The following CYTIP variants were observed in gnomAD, a reference collection of about 807,000 sequenced individuals.
CYTIP encodes cytohesin-interacting protein.
CYTIP carries 26 observed loss-of-function variants against 43.8 expected under a neutral mutation model. The ratio of observed to expected loss-of-function variants is 0.59; its 90% CI spans 0.44 to 0.82. The LOEUF (loss-of-function observed/expected upper bound fraction) is 0.82. Among genes scored for constraint, CYTIP ranks in the 40% least tolerant of loss-of-function variants. The pLI is 0.00. For missense variants in CYTIP, 426 were observed against 443.1 expected (o/e 0.96, Z 0.35); for synonymous variants, 162 against 162.9 (o/e 0.99, Z 0.04).
intron 6 of CYTIP, among the ~76,000 whole-genome samples, chr2:157,424,161 C>G (rs558491313): frequency 9.5e-4 from 145 of 152,252 alleles, no homozygotes; most frequent in African/African-American, 3.3e-3. Flanking sequence ...TCATTCATAA[C>G]AGATAGTTAT....
At chr2:157,427,233 T>C in intron 6 of CYTIP, 118 bp downstream of exon 6, 1 of 794,032 alleles carries the variant, frequency 1.3e-6, no homozygotes, top group Non-Finnish European at 2.0e-6. Context: ...TTCAGCAGTT[T>C]AGATTCACCA....
chr2:157,419,144 A>C (rs937653264), intron 6 of CYTIP, among the ~76,000 whole-genome samples: 12 of 152,138 alleles, frequency 7.9e-5, no homozygotes, highest in Non-Finnish European at 1.6e-4. Flanking sequence ...GATTACAGGC[A>C]CGCCCCACCA....
intron 3 of CYTIP, among the ~76,000 whole-genome samples, chr2:157,432,735 C>T (rs114856268): frequency 0.013 from 1,987 of 152,268 alleles, 20 homozygotes; most frequent in Non-Finnish European, 0.02. Flanking sequence ...TGTACTCACA[C>T]TGCATGCACA....
At chr2:157,436,890 T>A (rs978444032) in intron 1 of CYTIP, among the ~76,000 whole-genome samples, 1 of 152,048 alleles carries the variant, frequency 6.6e-6, no homozygotes, top group African/African-American at 2.4e-5. Flanking sequence ...CTTTATTAAA[T>A]TCAATATCAT....
At chr2:157,418,417 C>A (rs1471547488) in intron 7 of CYTIP, 106 bp downstream of exon 7, 12 of 1,149,184 alleles carry the variant, frequency 1.0e-5, no homozygotes, top group Non-Finnish European at 1.4e-5. Flanking sequence ...TTGACCAGCA[C>A]TAGACAAATT....
chr2:157,418,838 T>G (rs1274919736), intron 6 of CYTIP, among the ~76,000 whole-genome samples: 1 of 152,090 alleles, frequency 6.6e-6, no homozygotes, highest in Non-Finnish European at 1.5e-5. Context: ...AACAATAAAA[T>G]ATACTTTTAT....
intron 1 of CYTIP, among the ~76,000 whole-genome samples, chr2:157,438,002 A>G (rs1685840197): frequency 6.6e-6 from 1 of 152,186 alleles, no homozygotes; most frequent in Admixed American, 6.5e-5. Context: ...CTACCATATG[A>G]TCCCGCAATC....
chr2:157,415,272 A>G lies in CYTIP; in HGVS notation c.*405T>C, dbSNP rs2105129233. On this transcript the variant is annotated 3_prime_UTR_variant, in exon 8 of 8. Coordinates refer to ENST00000264192, the MANE Select transcript of CYTIP (RefSeq NM_004288.5). ...TGGGCATAAGCAAACCTAAGATTTT[A>G]TAACCCAGCAATTATCCTATAGAAA... 1 of 163,578 alleles carries G rather than the reference A, an allele frequency of 6.1e-6. No individual in the cohort carries two copies. Among genetic ancestry groups the G allele is most frequent in the African/African-American group, 2.4e-5 (1 of 41,650 alleles). The allele number at this position is 163,578 out of a possible 1,614,324, so 10.1% of individuals were successfully genotyped here. A position where few individuals can be genotyped will look rare whatever the true frequency, so the allele number is the denominator to read the frequency against.
chr2:157,441,208 G>A (rs918921671), intron 1 of CYTIP, among the ~76,000 whole-genome samples: 2 of 152,208 alleles, frequency 1.3e-5, no homozygotes, highest in Non-Finnish European at 2.9e-5. Context: ...ACAGTAGGCA[G>A]AGAAACACCT....
In CYTIP at chr2:157,415,990, TC is replaced by T; in HGVS notation, c.766del (p.Asp256ThrfsTer39). The T allele has an allele frequency of 1.2e-6, 2 of 1,614,238 alleles. No homozygotes were observed. The highest frequency in any genetic ancestry group is 4.5e-5 in the East Asian group (2 of 44,874). On this transcript the variant is annotated frameshift_variant, in exon 8 of 8. Transcript: ENST00000264192. LOFTEE classifies it high-confidence loss of function. Reference sequence around the variant, plus strand: ...ACACGTCTGGTAGCCATCTTCACTGTCCATCGTCATGGAGCTCAGCCAGCTC... The same window carrying T: ...ACACGTCTGGTAGCCATCTTCACTGTCATCGTCATGGAGCTCAGCCAGCTC... ...CKSWLSSMTM[D>X]SEDGYQTCVS... is the part of the protein sequence containing the mutation.
chr2:157,418,661 T>G, intron 6 of CYTIP, 72 bp from the exon 7 acceptor site: 10 of 1,376,232 alleles, frequency 7.3e-6, no homozygotes, highest in Non-Finnish European at 9.9e-6. Context: ...AATTTAATTC[T>G]AGGTGTTGAG....
chr2:157,425,164 A>G (rs1293269040), intron 6 of CYTIP, among the ~76,000 whole-genome samples: 2 of 152,212 alleles, frequency 1.3e-5, no homozygotes, highest in African/African-American at 4.8e-5. Flanking sequence ...ATATTAAAGG[A>G]GTAATATATT....
chr2:157,415,995 C>T lies in CYTIP; in HGVS notation c.762G>A (p.Thr254=), dbSNP rs34955674. Residue 254 remains threonine, a synonymous_variant, in exon 8 of 8, where the codon ACG becomes ACA. Coordinates refer to ENST00000264192, the MANE Select transcript of CYTIP (RefSeq NM_004288.5). ...TCTGGTAGCCATCTTCACTGTCCAT[C>T]GTCATGGAGCTCAGCCAGCTCTTAC... ...SSCKSWLSSM[T]MDSEDGYQTC... The T allele has an allele frequency of 1.7e-3, 2,700 of 1,614,194 alleles. 37 individuals are homozygous for T. In the African/African-American group the frequency reaches 0.029, roughly 17 times the overall value.
intron 1 of CYTIP, among the ~76,000 whole-genome samples, chr2:157,440,983 C>G (rs966505069): frequency 2.0e-4 from 30 of 151,758 alleles, no homozygotes; most frequent in African/African-American, 7.3e-4. Context: ...AGAAGCCATA[C>G]TGGGGTGTCT....
intron 3 of CYTIP, chr2:157,434,037 A>C (rs1685754684): frequency 3.0e-6 from 1 of 334,232 alleles, no homozygotes; most frequent in African/African-American, 2.2e-5. Flanking sequence ...ATGCAAATAT[A>C]TCAAGTACAC....
chr2:157,425,980 A>T (rs1042164425), intron 6 of CYTIP, among the ~76,000 whole-genome samples: 3 of 152,002 alleles, frequency 2.0e-5, no homozygotes, highest in Non-Finnish European at 4.4e-5. Context: ...GGGGCAAAAA[A>T]TTTTATTATC....
chr2:157,443,778 C>G (rs1274455370), intron 1 of CYTIP, 69 bp downstream of exon 1: 8 of 1,497,216 alleles, frequency 5.3e-6, no homozygotes, highest in Non-Finnish European at 6.4e-6. Flanking sequence ...AGTATGAAGT[C>G]AGACAAACAT....
chr2:157,434,845 T>TCACACACACA (rs1371712130), intron 1 of CYTIP, 98 bp from the exon 2 acceptor site: 13 of 263,780 alleles, frequency 4.9e-5, no homozygotes, highest in East Asian at 2.7e-4. Flanking sequence ...TCTCTCTCTC[T>TCACACACACA]CTCTCACACA....
chr2:157,420,983 A>G (rs1685514304), intron 6 of CYTIP, among the ~76,000 whole-genome samples: 1 of 152,196 alleles, frequency 6.6e-6, no homozygotes, highest in South Asian at 2.1e-4. Flanking sequence ...TTGGAAAAAT[A>G]CTGGTTTTGC....
Sources: gnomAD v4.1 joint callset for allele counts (sites outside exome capture counted in the v4.1 genomes callset) on GRCh38, gnomAD v4.1.1 for gene constraint, MANE v1.5 for transcripts, NCBI Gene and HGNC (gene_info 2026-07-23, HGNC 2026-07-21) for gene names.